Variants in COG6 observed in about 807,000 individuals in gnomAD.
The protein encoded by COG6 is conserved oligomeric Golgi complex subunit 6.
In COG6, 74 loss-of-function variants were observed where a neutral mutation model predicts 88.8. That is an observed-to-expected ratio of 0.83 (90% CI 0.69 to 1.01). The LOEUF is 1.01. Ranked by LOEUF, COG6 falls within the 50% of genes least tolerant of loss-of-function variation. The pLI, the probability that COG6 is intolerant of heterozygous loss-of-function variation, is 0.00. For missense variants in COG6, 800 were observed against 797.9 expected (o/e 1.00, Z -0.03); for synonymous variants, 286 against 278.7 (o/e 1.03, Z -0.26).
chr13:39,764,456 AT>A (rs1300777917), intron 18 of COG6, among the ~76,000 whole-genome samples: 1 of 148,850 alleles, frequency 6.7e-6, no homozygotes, highest in Non-Finnish European at 1.5e-5. Context: ...TATATTATTG[AT>A]TTTCAGACCT....
intron 13 of COG6, among the ~76,000 whole-genome samples, chr13:39,718,697 T>C (rs372620651): frequency 3.3e-5 from 5 of 152,164 alleles, no homozygotes; most frequent in Admixed American, 6.6e-5. Flanking sequence ...GGTAATGTTA[T>C]ACTGTTTCTG....
At chr13:39,773,483 A>C (rs1375844077) in intron 18 of COG6, among the ~76,000 whole-genome samples, 1 of 152,248 alleles carries the variant, frequency 6.6e-6, no homozygotes, top group Non-Finnish European at 1.5e-5. Flanking sequence ...CGTATGTTTT[A>C]CCTCTGCTTC....
At position 39,752,609 on chromosome 13, in the gene COG6, A is replaced by T; in HGVS notation, c.*1516A>T. 7.9e-7 allele frequency: 1 copy of T among 1,264,856 alleles called. No homozygotes were observed. Among genetic ancestry groups the T allele is most frequent in the Non-Finnish European group, 1.0e-6 (1 of 975,238 alleles). The allele number at this position is 1,264,856 out of a possible 1,614,324, so 78.4% of individuals were successfully genotyped here. On this transcript the variant is annotated 3_prime_UTR_variant, in exon 19 of 19. Transcript: ENST00000455146. The stretch of plus-strand genomic sequence containing the variant: ...ATTGTGCTTTTTACCTGGTTTTTTC[A>T]AATAAAATATTAAAATATTTCTAGA...
intron 18 of COG6, among the ~76,000 whole-genome samples, chr13:39,787,065 T>C (rs1214756899): frequency 2.6e-5 from 4 of 152,198 alleles, no homozygotes; most frequent in Non-Finnish European, 5.9e-5. Flanking sequence ...GCTGGTTCTC[T>C]GCCCATTTTT....
chr13:39,724,810 C>G (rs546097441), intron 17 of COG6, among the ~76,000 whole-genome samples: 55 of 151,936 alleles, frequency 3.6e-4, no homozygotes, highest in African/African-American at 1.3e-3. Flanking sequence ...TTACTGTTTA[C>G]TCTATTTTTA....
intron 11 of COG6, among the ~76,000 whole-genome samples, chr13:39,690,087 A>G (rs1170083940): frequency 4.7e-5 from 4 of 85,034 alleles, no homozygotes; most frequent in East Asian, 7.9e-4. Context: ...TTCTTATTCA[A>G]TTGAGAAAAA....
In COG6 at chr13:39,712,000, C is replaced by T. The variant is rs115627246; in HGVS notation, c.1285-7236C>T. ...TCAGCCTCCCGAGTGGCTACGATTA[C>T]AGGTATGCGCCACCATGCCCAGCTA... is the stretch of plus-strand genomic sequence containing the variant. On this transcript the variant is annotated intron_variant, in intron 13 of 18. Transcript: ENST00000455146. Among the ~76,000 whole-genome samples the T allele has an allele frequency of 4.6e-3, 707 of 152,256 alleles. 5 individuals are homozygous for T. The highest frequency in any genetic ancestry group is 0.016 in the African/African-American group (651 of 41,554).
At chr13:39,665,331 A>G (rs187389290) in intron 4 of COG6, among the ~76,000 whole-genome samples, 177 bp downstream of exon 4, 45 of 152,342 alleles carry the variant, frequency 3.0e-4, no homozygotes, top group Non-Finnish European at 5.0e-4. Context: ...TTTAGGAGCA[A>G]TAAACTTGAC....
intron 13 of COG6, among the ~76,000 whole-genome samples, chr13:39,712,883 C>T (rs542946076): frequency 1.4e-4 from 21 of 152,266 alleles, no homozygotes; most frequent in Non-Finnish European, 2.4e-4. Context: ...ATGTGGCCAA[C>T]GTCAGGTTAC....
chr13:39,660,237 T>C (rs867114938), intron 2 of COG6, among the ~76,000 whole-genome samples: 35 of 151,964 alleles, frequency 2.3e-4, no homozygotes, highest in African/African-American at 8.0e-4. Flanking sequence ...TGGGCTGGAG[T>C]GTAGTGGCTG....
Position 39,779,690 on chromosome 13 carries a change from C to T in COG6, c.1827-8645C>T, listed in dbSNP as rs147160684. On this transcript the variant is annotated intron_variant, in intron 18 of 18. Coordinates refer to the COG6 transcript ENST00000416691. ...TGAATAGATCCTTTCAGATTCTTAA[C>T]GTGGCTTCATTGAACGAAGACCTCT... 2.1e-3 allele frequency among the ~76,000 whole-genome samples: 314 copies of T among 152,266 alleles called. 2 individuals carry two copies. The highest frequency in any genetic ancestry group is 7.2e-3 in the African/African-American group (300 of 41,544).
intron 18 of COG6, among the ~76,000 whole-genome samples, chr13:39,778,546 G>A (rs1314463710): frequency 6.6e-6 from 1 of 152,098 alleles, no homozygotes; most frequent in East Asian, 1.9e-4. Flanking sequence ...TGTAGATTCT[G>A]CCTTCAGACC....
At chr13:39,715,961 T>G (rs1878505684) in intron 13 of COG6, among the ~76,000 whole-genome samples, 1 of 152,054 alleles carries the variant, frequency 6.6e-6, no homozygotes, top group Non-Finnish European at 1.5e-5. Flanking sequence ...AGTCTGGATA[T>G]CATTTGAAGT....
chr13:39,722,486 A>G (rs1878898375), intron 15 of COG6, among the ~76,000 whole-genome samples: 1 of 151,914 alleles, frequency 6.6e-6, no homozygotes, highest in Non-Finnish European at 1.5e-5. Flanking sequence ...GGAAAATGGC[A>G]ATCATTTAGA....
intron 18 of COG6, among the ~76,000 whole-genome samples, chr13:39,734,837 T>G (rs988259883): frequency 1.3e-5 from 2 of 152,186 alleles, no homozygotes; most frequent in African/African-American, 4.8e-5. Flanking sequence ...ATTTACCCCT[T>G]TATCATTATA....
At chr13:39,738,093 T>G (rs1164496466) in intron 18 of COG6, among the ~76,000 whole-genome samples, 1 of 152,216 alleles carries the variant, frequency 6.6e-6, no homozygotes, top group East Asian at 1.9e-4. Context: ...TAGTGCCTCT[T>G]TCCTTAATAT....
downstream of COG6, among the ~76,000 whole-genome samples, chr13:39,753,151 T>C (rs1427503515): frequency 1.3e-5 from 2 of 152,202 alleles, no homozygotes; most frequent in Non-Finnish European, 2.9e-5. Context: ...CCTCAGGGGA[T>C]GGTATTAGGA....
chr13:39,732,446 A>T (rs540124661), intron 18 of COG6, among the ~76,000 whole-genome samples: 1 of 152,240 alleles, frequency 6.6e-6, no homozygotes, highest in Non-Finnish European at 1.5e-5. Context: ...AAAATCAGTC[A>T]GTAAAAACAT....
intron 13 of COG6, among the ~76,000 whole-genome samples, chr13:39,704,270 C>T (rs1877755900): frequency 6.6e-6 from 1 of 151,914 alleles, no homozygotes; most frequent in Non-Finnish European, 1.5e-5. Flanking sequence ...TGATGCTGAC[C>T]CCTGTGAAGT....
Sources: gnomAD v4.1 joint callset for allele counts (sites outside exome capture counted in the v4.1 genomes callset) on GRCh38, gnomAD v4.1.1 for gene constraint, MANE v1.5 for transcripts, NCBI Gene and HGNC (gene_info 2026-07-23, HGNC 2026-07-21) for gene names.